NKAIN3: variants seen among roughly 807,000 people sequenced by gnomAD.
NKAIN3 encodes sodium/potassium-transporting ATPase subunit beta-1-interacting protein 3.
Under a neutral mutation model 30.2 loss-of-function variants are expected in NKAIN3, and 25 were observed. The observed-to-expected ratio is 0.83, with a 90% CI of 0.60 to 1.16. The LOEUF (loss-of-function observed/expected upper bound fraction) is 1.16. NKAIN3 is among the 50% of genes most tolerant of loss of function. The pLI is 0.00. For synonymous variants in NKAIN3, 91 were observed against 89.6 expected, an observed-to-expected ratio of 1.02 and a Z score of -0.09; for missense variants, 225 against 254.1, an observed-to-expected ratio of 0.89 and a Z score of 0.78.
chr8:62,714,359 C>T (rs978503441), intron 3 of NKAIN3, among the ~76,000 whole-genome samples: 4 of 151,778 alleles, frequency 2.6e-5, no homozygotes, highest in Admixed American at 6.6e-5. Flanking sequence ...CAGGAGACTG[C>T]TTTTCTTAGC....
chr8:62,887,373 T>G (rs1253252183), intron 4 of NKAIN3, among the ~76,000 whole-genome samples: 1 of 152,182 alleles, frequency 6.6e-6, no homozygotes, highest in Non-Finnish European at 1.5e-5. Context: ...TATCCTGTTC[T>G]TGGAGCTTCT....
At chr8:62,511,987 G>A (rs1212389062) in intron 1 of NKAIN3, among the ~76,000 whole-genome samples, 1 of 152,162 alleles carries the variant, frequency 6.6e-6, no homozygotes, top group African/African-American at 2.4e-5. Context: ...CTCTGTAAGA[G>A]CAGCAGCTGG....
chr8:62,865,164 T>C (rs1198228861), intron 4 of NKAIN3, among the ~76,000 whole-genome samples: 2 of 152,186 alleles, frequency 1.3e-5, no homozygotes, highest in East Asian at 3.9e-4. Flanking sequence ...CCTGGTGCCC[T>C]TTTGATGTAC....
intron 4 of NKAIN3, among the ~76,000 whole-genome samples, chr8:62,783,127 T>C (rs1817406002): frequency 6.6e-6 from 1 of 152,072 alleles, no homozygotes; most frequent in African/African-American, 2.4e-5. Context: ...TGCACAAAAA[T>C]AATTGATAAC....
intron 3 of NKAIN3, among the ~76,000 whole-genome samples, chr8:62,616,025 G>A (rs1169656727): frequency 6.6e-6 from 1 of 152,070 alleles, no homozygotes; most frequent in Non-Finnish European, 1.5e-5. Context: ...ATGATCGGTG[G>A]CGTTTTCTAT....
chr8:62,765,267 G>T (rs11373494), intron 4 of NKAIN3, among the ~76,000 whole-genome samples: 1 of 120,274 alleles, frequency 8.3e-6, no homozygotes, highest in Non-Finnish European at 1.7e-5. Context: ...AAAAAAAAAA[G>T]AAAAGAAAAG....
At chr8:62,738,200 TCAC>T (rs1815739460) in intron 3 of NKAIN3, among the ~76,000 whole-genome samples, 1 of 152,202 alleles carries the variant, frequency 6.6e-6, no homozygotes, top group Non-Finnish European at 1.5e-5. Flanking sequence ...TTTTTAATGA[TCAC>T]CATTCTAACT....
At chr8:62,275,989 C>A (rs895151827) in intron 1 of NKAIN3, among the ~76,000 whole-genome samples, 1 of 152,052 alleles carries the variant, frequency 6.6e-6, no homozygotes, top group Non-Finnish European at 1.5e-5. Context: ...TGGAAATGTA[C>A]AAAAAATATT....
intron 1 of NKAIN3, among the ~76,000 whole-genome samples, chr8:62,342,476 C>A (rs1371462502): frequency 6.6e-6 from 1 of 151,960 alleles, no homozygotes; most frequent in Non-Finnish European, 1.5e-5. Context: ...TTAAATCAAG[C>A]TTTTCCTCTG....
intron 5 of NKAIN3, among the ~76,000 whole-genome samples, chr8:62,935,262 T>A (rs372788121): frequency 7.9e-5 from 12 of 152,306 alleles, no homozygotes; most frequent in East Asian, 7.7e-4. Flanking sequence ...CAGATCATTA[T>A]GTAATCCTAC....
At chr8:62,284,490 G>A (rs1407619369) in intron 1 of NKAIN3, among the ~76,000 whole-genome samples, 1 of 152,090 alleles carries the variant, frequency 6.6e-6, no homozygotes, top group Non-Finnish European at 1.5e-5. Flanking sequence ...GGCGGGCATG[G>A]TGGCACATGC....
intron 1 of NKAIN3, among the ~76,000 whole-genome samples, chr8:62,556,470 T>A (rs1809388769): frequency 6.6e-6 from 1 of 151,654 alleles, no homozygotes; most frequent in African/African-American, 2.4e-5. Flanking sequence ...GAAACACAAC[T>A]AAATATATCA....
chr8:62,350,467 G>A (rs1341773954), intron 1 of NKAIN3, among the ~76,000 whole-genome samples: 3 of 152,042 alleles, frequency 2.0e-5, no homozygotes, highest in Non-Finnish European at 4.4e-5. Flanking sequence ...TGGGGACAGG[G>A]GTGAATGGGA....
At chr8:62,914,174 C>T (rs536074906) in intron 4 of NKAIN3, among the ~76,000 whole-genome samples, 7 of 152,182 alleles carry the variant, frequency 4.6e-5, no homozygotes, top group South Asian at 2.1e-4. Context: ...TAAAAAATAA[C>T]GAAATCGTAT....
intron 3 of NKAIN3, among the ~76,000 whole-genome samples, chr8:62,626,717 T>C (rs991730579): frequency 2.0e-5 from 3 of 152,072 alleles, no homozygotes; most frequent in Non-Finnish European, 2.9e-5. Flanking sequence ...TGGTCATAAG[T>C]ATTAAATGAG....
intron 1 of NKAIN3, among the ~76,000 whole-genome samples, chr8:62,394,479 AT>A (rs58656350): frequency 0.71 from 106,280 of 149,752 alleles, 37,715 homozygotes; most frequent in East Asian, 0.73. Flanking sequence ...TGTAATTGCT[AT>A]TTTTTTTTTT....
intron 3 of NKAIN3, among the ~76,000 whole-genome samples, chr8:62,667,539 C>T (rs1813164019): frequency 6.6e-6 from 1 of 151,580 alleles, no homozygotes; most frequent in Admixed American, 6.6e-5. Context: ...CCAGTTCATC[C>T]TCGATTCAAG....
At chr8:62,997,770 AAG>A (rs1491405655) in intron 5 of NKAIN3, among the ~76,000 whole-genome samples, 7 of 151,850 alleles carry the variant, frequency 4.6e-5, no homozygotes, top group African/African-American at 1.7e-4. Flanking sequence ...AAAAAAAAAA[AAG>A]AGGAGGAGGA....
chr8:62,934,207 A>T (rs1822711402), intron 5 of NKAIN3, among the ~76,000 whole-genome samples: 1 of 150,518 alleles, frequency 6.6e-6, no homozygotes, highest in Admixed American at 6.6e-5. Context: ...CGACATGGTG[A>T]GACCTTCTCT....
Sources: gnomAD v4.1 joint callset for allele counts (sites outside exome capture counted in the v4.1 genomes callset) on GRCh38, gnomAD v4.1.1 for gene constraint, MANE v1.5 for transcripts, NCBI Gene and HGNC (gene_info 2026-07-23, HGNC 2026-07-21) for gene names.